Variants in OSBPL1A observed in about 807,000 individuals in gnomAD.
OSBPL1A encodes oxysterol-binding protein-related protein 1.
Under a neutral mutation model 137.1 loss-of-function variants are expected in OSBPL1A, and 80 were observed. The observed-to-expected ratio is 0.58, with a 90% confidence interval of 0.49 to 0.70. The LOEUF (loss-of-function observed/expected upper bound fraction) is 0.70, where lower values mean the gene tolerates loss of function less well. Ranked by LOEUF, OSBPL1A falls within the 30% of genes least tolerant of loss-of-function variation. The probability of loss-of-function intolerance (pLI) is 0.00; values close to 1 mark genes in which losing one functional copy is unlikely to be tolerated. For synonymous variants in OSBPL1A, 365 were observed against 389.7 expected (o/e 0.94, Z 0.75); for missense variants, 970 against 1,129.4 (o/e 0.86, Z 2.02).
At chr18:24,248,326 G>A (rs749964737) in intron 15 of OSBPL1A, among the ~76,000 whole-genome samples, 6 of 152,132 alleles carry the variant, frequency 3.9e-5, no homozygotes, top group Non-Finnish European at 8.8e-5. Flanking sequence ...GAAATGAAAC[G>A]AGTCTCAAGG....
At chr18:24,263,797 G>A (rs2089503376) in intron 15 of OSBPL1A, among the ~76,000 whole-genome samples, 1 of 151,710 alleles carries the variant, frequency 6.6e-6, no homozygotes, top group East Asian at 1.9e-4. Context: ...CACTGCACCT[G>A]GCTAATTTTT....
intron 17 of OSBPL1A, among the ~76,000 whole-genome samples, chr18:24,203,276 C>T (rs1171873581): frequency 6.6e-6 from 1 of 152,124 alleles, no homozygotes; most frequent in Non-Finnish European, 1.5e-5. Context: ...CGTGCTTGGC[C>T]AAAATATATT....
At chr18:24,355,202 T>C (rs2091511837) in intron 4 of OSBPL1A, among the ~76,000 whole-genome samples, 1 of 151,930 alleles carries the variant, frequency 6.6e-6, no homozygotes, top group Admixed American at 6.6e-5. Context: ...CTGGACTTCA[T>C]ACTACAGCCA....
chr18:24,272,012 G>A (rs2089734797), intron 15 of OSBPL1A: 2 of 981,486 alleles, frequency 2.0e-6, no homozygotes, highest in South Asian at 9.4e-5. Context: ...TGCGGCGGGC[G>A]GCTCCCTGCG....
At chr18:24,375,165 A>C (rs1340954329) in intron 2 of OSBPL1A, among the ~76,000 whole-genome samples, 3 of 151,956 alleles carry the variant, frequency 2.0e-5, no homozygotes, top group Non-Finnish European at 4.4e-5. Flanking sequence ...AAATACAAAA[A>C]TTAGCCAGGC....
At chr18:24,236,198 T>A (rs1855739899) in intron 16 of OSBPL1A, among the ~76,000 whole-genome samples, 1 of 152,198 alleles carries the variant, frequency 6.6e-6, no homozygotes, top group Non-Finnish European at 1.5e-5. Context: ...AGCAGACTAA[T>A]ACAGGAATTT....
At chr18:24,256,964 C>CAA (rs201880387) in intron 15 of OSBPL1A, among the ~76,000 whole-genome samples, 4,445 of 29,436 alleles carry the variant, frequency 0.15, 1,263 homozygotes, top group Non-Finnish European at 0.22. Flanking sequence ...GAAGAGGATG[C>CAA]AAAAAAAAAA....
At chr18:24,204,214 T>C (rs2087302472) in intron 17 of OSBPL1A, among the ~76,000 whole-genome samples, 1 of 152,232 alleles carries the variant, frequency 6.6e-6, no homozygotes, top group African/African-American at 2.4e-5. Flanking sequence ...GGTGTTCTTG[T>C]CCTTTTAGGT....
rs766728996 is a variant in OSBPL1A, at chr18:24,324,056, T to TAA, written c.626-5249_626-5248dup. ...GCAGCATGATTTATACTCATTTGGG[T>TAA]AAAAAAAAAAAAAAAAATTAGCCAG... is the stretch of plus-strand genomic sequence containing the variant. On this transcript the variant is annotated intron_variant, in intron 7 of 27. Coordinates refer to ENST00000319481, the MANE Select transcript of OSBPL1A (RefSeq NM_080597.4). 3.1e-4 allele frequency among the ~76,000 whole-genome samples: 20 copies of TAA among 65,196 alleles called. 7 individuals are homozygous for TAA. Among genetic ancestry groups the TAA allele is most frequent in the Admixed American group, 3.7e-4 (3 of 8,002 alleles). The allele number at this position is 65,196 out of a possible 152,430, so 42.8% of individuals were successfully genotyped here.
intron 14 of OSBPL1A, chr18:24,302,484 C>CG (rs1269275092): frequency 5.9e-5 from 9 of 151,784 alleles, no homozygotes; most frequent in African/African-American, 2.2e-4. Context: ...AGTGCAGTGG[C>CG]GCGATCTTGG....
chr18:24,345,400 T>C (rs1279746693), intron 4 of OSBPL1A, among the ~76,000 whole-genome samples: 1 of 152,130 alleles, frequency 6.6e-6, no homozygotes, highest in East Asian at 1.9e-4. Context: ...TTAAGGAAGT[T>C]GAAAGGCCAG....
In OSBPL1A at chr18:24,344,473, A is replaced by G. The variant is rs553814229; in HGVS notation, c.283-2815T>C. Among the ~76,000 whole-genome samples, 5 of 152,316 alleles carry G rather than the reference A, an allele frequency of 3.3e-5. No homozygotes were observed. In the South Asian group the frequency reaches 1.0e-3, roughly 32 times the overall value. On this transcript the variant is annotated intron_variant, in intron 4 of 27. Transcript: ENST00000319481. ...GTCTCAAAAAATAAAATAAAATAAA[A>G]TAAGAAGTCTAGGTTAAACACGATG...
intron 17 of OSBPL1A, among the ~76,000 whole-genome samples, chr18:24,201,521 G>C (rs1172756613): frequency 6.6e-6 from 1 of 152,172 alleles, no homozygotes; most frequent in Admixed American, 6.5e-5. Context: ...CCAGCACTTT[G>C]GGAGGCCGAG....
intron 21 of OSBPL1A, among the ~76,000 whole-genome samples, chr18:24,175,852 A>ATC (rs2086431685): frequency 6.6e-6 from 1 of 152,236 alleles, no homozygotes; most frequent in Non-Finnish European, 1.5e-5. Context: ...TAACATATAG[A>ATC]TGTCCAACTG....
intron 15 of OSBPL1A, among the ~76,000 whole-genome samples, chr18:24,251,342 T>A (rs1204173071): frequency 2.0e-5 from 3 of 152,136 alleles, no homozygotes; most frequent in Non-Finnish European, 4.4e-5. Context: ...CCTAGAACAG[T>A]CTTAGTGGTG....
Position 24,237,082 on chromosome 18 carries a change from G to T in OSBPL1A, c.1444+2138C>A, listed in dbSNP as rs1599543060. ...CAATTACACTGCTCCTTCCATTCAT[G>T]ACTTAAAAAAAAAATCTATATATAT... On this transcript the variant is annotated intron_variant, in intron 16 of 27. Coordinates refer to ENST00000319481, the MANE Select transcript of OSBPL1A (RefSeq NM_080597.4). Among the ~76,000 whole-genome samples, 3 of 137,606 alleles carry T rather than the reference G, an allele frequency of 2.2e-5. No individual in the cohort carries two copies. The South Asian group carries it at 6.9e-4, about 31-fold the overall frequency. 90.3% of individuals were successfully genotyped at this position (137,606 alleles called of 152,430 possible). A position where few individuals can be genotyped will look rare whatever the true frequency, so the allele number is the denominator to read the frequency against.
At chr18:24,211,023 C>T (rs1449966449) in intron 17 of OSBPL1A, among the ~76,000 whole-genome samples, 5 of 151,968 alleles carry the variant, frequency 3.3e-5, no homozygotes, top group East Asian at 1.9e-4. Context: ...TGGAATGCCA[C>T]GGCATGATCT....
At chr18:24,277,222 G>C (rs963582379) in intron 15 of OSBPL1A, among the ~76,000 whole-genome samples, 1 of 151,744 alleles carries the variant, frequency 6.6e-6, no homozygotes, top group Non-Finnish European at 1.5e-5. Flanking sequence ...AATAATTATT[G>C]ACATACAAAA....
chr18:24,251,467 G>A (rs2089095456), intron 15 of OSBPL1A, among the ~76,000 whole-genome samples: 1 of 152,196 alleles, frequency 6.6e-6, no homozygotes. Flanking sequence ...TCTCTGCCTG[G>A]TAACCCAGAG....
Sources: allele counts gnomAD v4.1 joint callset (sites outside exome capture counted in the v4.1 genomes callset), GRCh38; gene constraint gnomAD v4.1.1; transcripts MANE v1.5; gene names NCBI Gene and HGNC (gene_info 2026-07-23, HGNC 2026-07-21).